Variants in HAAO observed in about 807,000 individuals in gnomAD.
The protein encoded by HAAO is 3-hydroxyanthranilate oxygenase.
HAAO carries 49 observed loss-of-function variants against 46.2 expected under a neutral mutation model. The ratio of observed to expected loss-of-function variants is 1.06; its 90% CI spans 0.84 to 1.34. The LOEUF (loss-of-function observed/expected upper bound fraction) is 1.34. Ranked by LOEUF, HAAO falls within the 40% of genes most tolerant of loss-of-function variation. The pLI is 0.00. For missense variants in HAAO, 408 were observed against 364.5 expected, an observed-to-expected ratio of 1.12 and a Z score of -0.97; for synonymous variants, 157 against 145.2, an observed-to-expected ratio of 1.08 and a Z score of -0.58.
intron 7 of HAAO, 33 bp from the exon 8 acceptor site, chr2:42,767,961 T>G: frequency 6.3e-7 from 1 of 1,592,694 alleles, no homozygotes; most frequent in Non-Finnish European, 8.6e-7. Flanking sequence ...CTTCTGGTGC[T>G]TCTTGCCCCA....
chr2:42,779,355 A>G (rs1028302295), intron 4 of HAAO, among the ~76,000 whole-genome samples: 4 of 151,016 alleles, frequency 2.6e-5, no homozygotes, highest in Admixed American at 2.0e-4. Flanking sequence ...ACAGAGTCTC[A>G]CTGTTGCCGA....
intron 4 of HAAO, among the ~76,000 whole-genome samples, chr2:42,779,113 C>G (rs1298118162): frequency 6.6e-6 from 1 of 151,926 alleles, no homozygotes; most frequent in Non-Finnish European, 1.5e-5. Context: ...AATTCCATCT[C>G]AAATAAATAA....
At chr2:42,773,623 G>T (rs1416351975) in intron 4 of HAAO, among the ~76,000 whole-genome samples, 3 of 132,388 alleles carry the variant, frequency 2.3e-5, no homozygotes, top group African/African-American at 8.8e-5. Context: ...GTCTCACTCT[G>T]TCACCCAGGC....
chr2:42,783,043 C>T (rs1166859045), intron 4 of HAAO: 2 of 528,690 alleles, frequency 3.8e-6, no homozygotes, highest in Non-Finnish European at 6.9e-6. Flanking sequence ...CAACCTCACG[C>T]AGAAAGCACA....
rs866479379 is a variant in HAAO at position 42,767,667 on chromosome 2, G to A, written c.710C>T (p.Ser237Leu). 11 of 1,567,990 alleles carry A rather than the reference G, an allele frequency of 7.0e-6. No individual in the cohort carries two copies. The highest frequency in any genetic ancestry group is 1.9e-5 in the Admixed American group (1 of 52,522). The change falls in exon 9 of 10, where the codon TCG becomes TTG. Residue 237 changes from serine to leucine, a missense_variant. Physicochemically the swap from Ser to Leu is moderately radical, Grantham distance 145 (BLOSUM62 -2). Transcript: ENST00000294973. ...GCGCCGTCCCCCCATTGTCACCACC[G>A]AGGAGCCCTCCTGGAGAAGAGGAGC... ...DVWLWQLEGS[S>L]VVTMGGRRLS...
intron 5 of HAAO, 153 bp from the exon 6 acceptor site, chr2:42,770,339 C>G: frequency 1.1e-6 from 1 of 870,210 alleles, no homozygotes; most frequent in Middle Eastern, 2.8e-4. Context: ...CCTTTCCCTC[C>G]CAGCGGGGCT....
chr2:42,786,572 C>T lies in HAAO; in HGVS notation c.159+1957G>A, dbSNP rs1672399521. Among the ~76,000 whole-genome samples, 5 of 152,194 alleles carry T rather than the reference C, an allele frequency of 3.3e-5. 1 individual carries two copies. The South Asian group carries it at 1.0e-3, about 31-fold the overall frequency. ...TCTTCCACCAGACAGGGGCTGTTGT[C>T]CCCATGTGCTTATGGAAACAGGCTT... On this transcript the variant is annotated intron_variant, in intron 2 of 9. Coordinates refer to ENST00000294973, the MANE Select transcript of HAAO (RefSeq NM_012205.3).
At chr2:42,774,670 G>A (rs1284072604) in intron 4 of HAAO, among the ~76,000 whole-genome samples, 1 of 152,116 alleles carries the variant, frequency 6.6e-6, no homozygotes, top group East Asian at 1.9e-4. Context: ...TAGGTAAGTA[G>A]CTGAACTGGG....
intron 4 of HAAO, among the ~76,000 whole-genome samples, chr2:42,778,123 A>AT (rs57965839): frequency 0.18 from 26,085 of 144,476 alleles, 3,720 homozygotes; most frequent in African/African-American, 0.39. Context: ...AAGAGGATTT[A>AT]TTTAAAAAAA....
chr2:42,784,510 C>T (rs1274043403), intron 2 of HAAO, among the ~76,000 whole-genome samples: 1 of 12,672 alleles, frequency 7.9e-5, no homozygotes, highest in Non-Finnish European at 1.4e-4. Context: ...CTTGTGCTCT[C>T]CTGGGGGTGG....
Position 42,767,106 on chromosome 2 carries a change from C to G in HAAO, c.*331G>C. The G allele has an allele frequency of 2.3e-6, 1 of 440,730 alleles. No homozygotes were observed. The highest frequency in any genetic ancestry group is 4.2e-6 in the Non-Finnish European group (1 of 236,656). The allele number at this position is 440,730 out of a possible 1,614,324, so 27.3% of individuals were successfully genotyped here. A position where few individuals can be genotyped will look rare whatever the true frequency, so the allele number is the denominator to read the frequency against. The stretch of plus-strand genomic sequence containing the variant: ...CCCAGGTGTGCGTTCCTCAGGAAGC[C>G]TTTATTGAGGGCCTTCTTGGTGTGG... On this transcript the variant is annotated 3_prime_UTR_variant, in exon 10 of 10. Transcript: ENST00000294973.
At chr2:42,790,432 G>A (rs2104673335) in intron 1 of HAAO, among the ~76,000 whole-genome samples, 1 of 152,116 alleles carries the variant, frequency 6.6e-6, no homozygotes, top group African/African-American at 2.4e-5. Context: ...GAAGCACTGG[G>A]GGTGAGCTTG....
rs1169529832 is a variant in HAAO at position 42,770,016 on chromosome 2, ATCT to A, written c.484+124_484+126del. On this transcript the variant is annotated intron_variant, in intron 6 of 9. Coordinates refer to ENST00000294973, the MANE Select transcript of HAAO (RefSeq NM_012205.3). ...CATGTGGGAGGTACCATTGGCTGCC[ATCT>A]TCTTAGTACCTTGAGGACTGGGCAG... 3.6e-6 allele frequency: 4 copies of A among 1,116,572 alleles called. No individual in the cohort carries two copies. In the East Asian group the frequency reaches 9.8e-5, roughly 27 times the overall value. The allele number at this position is 1,116,572 out of a possible 1,614,324, so 69.2% of individuals were successfully genotyped here.
intron 4 of HAAO, among the ~76,000 whole-genome samples, chr2:42,776,231 C>CTTTTTTTT (rs57398023): frequency 2.0e-4 from 14 of 71,194 alleles, no homozygotes; most frequent in Admixed American, 4.0e-4. Flanking sequence ...TGGCATCCAT[C>CTTTTTTTT]TTTTTTTTTT....
At chr2:42,780,988 A>G (rs570541563) in intron 4 of HAAO, among the ~76,000 whole-genome samples, 2 of 151,880 alleles carry the variant, frequency 1.3e-5, no homozygotes, top group East Asian at 3.9e-4. Context: ...GAGGCAGGAG[A>G]ATGGTGTGAA....
intron 4 of HAAO, among the ~76,000 whole-genome samples, chr2:42,772,405 C>T (rs1671202599): frequency 6.6e-6 from 1 of 151,044 alleles, no homozygotes; most frequent in South Asian, 2.1e-4. Flanking sequence ...TGCTTGAACC[C>T]GGGAGGCAGA....
At chr2:42,778,580 G>A (rs932797816) in intron 4 of HAAO, among the ~76,000 whole-genome samples, 12 of 152,030 alleles carry the variant, frequency 7.9e-5, no homozygotes, top group Admixed American at 3.9e-4. Context: ...TGCCTGTCTC[G>A]GCCTCCCAAA....
intron 4 of HAAO, among the ~76,000 whole-genome samples, chr2:42,775,367 A>G (rs1671471567): frequency 6.6e-6 from 1 of 152,142 alleles, no homozygotes; most frequent in South Asian, 2.1e-4. Flanking sequence ...TTACATAAAC[A>G]AGGCCACTTT....
chr2:42,770,647 C>A, intron 4 of HAAO, 65 bp from the exon 5 acceptor site: 1 of 1,013,802 alleles, frequency 9.9e-7, no homozygotes, highest in Non-Finnish European at 1.5e-6. Flanking sequence ...CAGCCCCACT[C>A]AGGCCTGGCT....
Sources: allele counts gnomAD v4.1 joint callset (sites outside exome capture counted in the v4.1 genomes callset), GRCh38; gene constraint gnomAD v4.1.1; transcripts MANE v1.5; gene names NCBI Gene and HGNC (gene_info 2026-07-23, HGNC 2026-07-21).